REV3L: variants seen among roughly 807,000 people sequenced by gnomAD.
The protein encoded by REV3L is DNA polymerase zeta catalytic subunit.
REV3L carries 69 observed loss-of-function variants against 299.4 expected under a neutral mutation model. That is an observed-to-expected ratio of 0.23 (90% CI 0.19 to 0.28). REV3L has a LOEUF of 0.28. Ranked by LOEUF, REV3L falls within the 10% of genes least tolerant of loss-of-function variation. The probability of loss-of-function intolerance (pLI) is 1.00; values close to 1 mark genes in which losing one functional copy is unlikely to be tolerated. For missense variants in REV3L, 3,128 were observed against 3,693.8 expected (o/e 0.85, Z 3.97); for synonymous variants, 1,238 against 1,271.4 (o/e 0.97, Z 0.56).
intron 1 of REV3L, among the ~76,000 whole-genome samples, chr6:111,458,535 G>A (rs140550205): frequency 1.1e-3 from 170 of 152,038 alleles, no homozygotes; most frequent in African/African-American, 3.3e-3. Context: ...AGAAAACTCC[G>A]AAGACTCCAC....
rs1202243410 is a variant in REV3L at position 111,351,873 on chromosome 6, G to C, written c.7185-82C>G. On this transcript the variant is annotated intron_variant, in intron 18 of 31. Transcript: ENST00000368802. ...GAATAATTGTTTCTTCATGATATAA[G>C]GTATGAAAACAAAAACCTATGTTCT... is the stretch of plus-strand genomic sequence containing the variant. The C allele has an allele frequency of 8.6e-6, 8 of 928,744 alleles. No individual in the cohort carries two copies. The East Asian group carries it at 1.9e-4, about 22-fold the overall frequency. The allele number at this position is 928,744 out of a possible 1,614,324, so 57.5% of individuals were successfully genotyped here. A position where few individuals can be genotyped will look rare whatever the true frequency, so the allele number is the denominator to read the frequency against.
At chr6:111,402,149 C>G (rs1162283275) in intron 4 of REV3L, among the ~76,000 whole-genome samples, 1 of 152,024 alleles carries the variant, frequency 6.6e-6, no homozygotes, top group African/African-American at 2.4e-5. Flanking sequence ...ATAATATCCT[C>G]TAGGGAGGAT....
chr6:111,347,922 A>G (rs1238147825), intron 20 of REV3L, among the ~76,000 whole-genome samples: 1 of 152,054 alleles, frequency 6.6e-6, no homozygotes. Flanking sequence ...CCTTCCAAGT[A>G]GCTGTTGCCT....
chr6:111,333,152 G>C lies in REV3L; in HGVS notation c.7896C>G (p.Thr2632=), dbSNP rs762451089. ...IVIAYNYCFS[T]CLGHVENLGK... ...CCAAGTTCTCCACATGGCCAAGGCA[G>C]GTGGAAAAGCAGTAGTTATATGCAA... The change falls in exon 23 of 32, where the codon ACC becomes ACG. Residue 2632 remains threonine, a synonymous_variant. Coordinates refer to ENST00000368802, the MANE Select transcript of REV3L (RefSeq NM_001372078.1). The C allele has an allele frequency of 9.9e-6, 16 of 1,614,020 alleles. No individual in the cohort carries two copies. The East Asian group carries it at 3.6e-4, about 36-fold the overall frequency.
At chr6:111,421,491 T>C (rs1293997885) in intron 1 of REV3L, among the ~76,000 whole-genome samples, 1 of 152,204 alleles carries the variant, frequency 6.6e-6, no homozygotes, top group Non-Finnish European at 1.5e-5. Context: ...CATGACCGTG[T>C]TACAATAAAA....
At chr6:111,392,846 A>AT (rs750923869) in intron 5 of REV3L, 30 bp downstream of exon 5, 1 of 1,435,728 alleles carries the variant, frequency 7.0e-7, no homozygotes, top group Non-Finnish European at 9.8e-7. Context: ...TATATGTAAA[A>AT]TTTTCATTTC....
In REV3L at chr6:111,469,190, A is replaced by C. The variant is rs571539773; in HGVS notation, c.139+13560T>G. Among the ~76,000 whole-genome samples the C allele has an allele frequency of 3.3e-5, 5 of 152,134 alleles. No homozygotes were observed. The South Asian group carries it at 8.3e-4, about 25-fold the overall frequency. On this transcript the variant is annotated intron_variant, in intron 1 of 31. Coordinates refer to ENST00000368802, the MANE Select transcript of REV3L (RefSeq NM_001372078.1). Reference sequence around the variant, plus strand: ...ACAACAAAAAACAAAACAAAACAAAACAAACCTGGATGATTAACACAGTAG... The same window carrying C: ...ACAACAAAAAACAAAACAAAACAAACCAAACCTGGATGATTAACACAGTAG...
rs368357345 is a variant in REV3L, at chr6:111,374,411, C to T, written c.3944G>A (p.Arg1315Gln). ...AACAACTGATGGATGCAAATCATCT[C>T]GTGAACTGGGGAATGTCTGCAAATC... ...SVDLQTFPSS[R>Q]DDLHPSVVCN... The change falls in exon 13 of 32, where the codon CGA becomes CAA. Residue 1315 changes from arginine to glutamine, a missense_variant. Physicochemically the swap from Arg to Gln is conservative, Grantham distance 43 (BLOSUM62 1). Around this residue, in one of 9 missense-constraint regions of REV3L, gnomAD observed 2,409 missense variants for 2,611.8 expected, o/e 0.92. Transcript: ENST00000368802. The T allele has an allele frequency of 5.0e-6, 8 of 1,613,910 alleles. No homozygotes were observed. Among genetic ancestry groups the T allele is most frequent in the Non-Finnish European group, 6.8e-6 (8 of 1,179,920 alleles).
intron 1 of REV3L, among the ~76,000 whole-genome samples, chr6:111,448,523 T>C (rs1041410196): frequency 3.9e-5 from 6 of 151,922 alleles, no homozygotes; most frequent in Non-Finnish European, 5.9e-5. Context: ...TTTGGAAAGA[T>C]GGTGTTGCCC....
chr6:111,478,629 CAAAA>C (rs35796020), intron 1 of REV3L, among the ~76,000 whole-genome samples: 3 of 128,444 alleles, frequency 2.3e-5, no homozygotes, highest in African/African-American at 2.7e-5. Flanking sequence ...TCCAATTTAC[CAAAA>C]AAAAAAAAAA....
At chr6:111,388,976 G>C in intron 7 of REV3L, 130 bp downstream of exon 7, 1 of 652,992 alleles carries the variant, frequency 1.5e-6, no homozygotes, top group Non-Finnish European at 2.6e-6. Context: ...ATGACAACAA[G>C]AAAAATACAT....
intron 1 of REV3L, among the ~76,000 whole-genome samples, chr6:111,423,037 T>C (rs538578147): frequency 3.3e-5 from 5 of 152,148 alleles, no homozygotes; most frequent in African/African-American, 4.8e-5. Flanking sequence ...GTATATACAG[T>C]GCAGGGTATA....
intron 1 of REV3L, among the ~76,000 whole-genome samples, chr6:111,477,663 T>C (rs1409836639): frequency 1.3e-5 from 2 of 152,174 alleles, no homozygotes; most frequent in African/African-American, 2.4e-5. Context: ...AGGGCCAGAC[T>C]ATGCAAGACC....
intron 21 of REV3L, among the ~76,000 whole-genome samples, chr6:111,336,237 A>C (rs1401632172): frequency 1.3e-5 from 2 of 152,046 alleles, no homozygotes; most frequent in Non-Finnish European, 2.9e-5. Context: ...TAAGAAAACA[A>C]ACAATAAAAC....
At chr6:111,394,893 T>C (rs899497056) in intron 4 of REV3L, among the ~76,000 whole-genome samples, 1 of 151,966 alleles carries the variant, frequency 6.6e-6, no homozygotes, top group African/African-American at 2.4e-5. Context: ...GCTTTGACTA[T>C]CTTGCACAGG....
intron 13 of REV3L, 82 bp downstream of exon 13, chr6:111,372,514 T>C: frequency 9.1e-7 from 1 of 1,098,070 alleles, no homozygotes. Context: ...GTTGCATACA[T>C]TCTTTTTTTT....
chr6:111,328,233 C>A (rs746115966), intron 25 of REV3L, among the ~76,000 whole-genome samples: 31 of 152,078 alleles, frequency 2.0e-4, no homozygotes, highest in Non-Finnish European at 4.1e-4. Flanking sequence ...TATGGAATGA[C>A]TGTTGTTTAT....
intron 1 of REV3L, among the ~76,000 whole-genome samples, chr6:111,446,085 C>T (rs1243700747): frequency 1.3e-5 from 2 of 152,172 alleles, no homozygotes; most frequent in Non-Finnish European, 2.9e-5. Context: ...TACAGACATA[C>T]ATAATGTAGC....
intron 1 of REV3L, among the ~76,000 whole-genome samples, chr6:111,418,087 G>A (rs1248681861): frequency 6.6e-6 from 1 of 152,148 alleles, no homozygotes; most frequent in African/African-American, 2.4e-5. Flanking sequence ...ATGAATAAAT[G>A]TTATAACCAT....
Sources: allele counts gnomAD v4.1 joint callset (sites outside exome capture counted in the v4.1 genomes callset), GRCh38; gene constraint gnomAD v4.1.1; regional missense constraint gnomAD v4.1.1; transcripts MANE v1.5; gene names NCBI Gene and HGNC (gene_info 2026-07-23, HGNC 2026-07-21).